The following CCSER1 variants were observed in gnomAD, a reference collection of about 807,000 sequenced individuals.
CCSER1 encodes the protein coiled-coil serine rich protein 1.
In CCSER1, 41 loss-of-function variants were observed where a neutral mutation model predicts 82.0. That is an observed-to-expected ratio of 0.50 (90% CI 0.39 to 0.65). The LOEUF is 0.65. CCSER1 is among the 30% of genes least tolerant of loss of function. The pLI, the probability that CCSER1 is intolerant of heterozygous loss-of-function variation, is 0.00. For missense variants in CCSER1, 1,119 were observed against 1,064.2 expected (o/e 1.05, Z -0.72); for synonymous variants, 414 against 383.9 (o/e 1.08, Z -0.92).
At chr4:90,314,107 C>T (rs988390190) in intron 3 of CCSER1, among the ~76,000 whole-genome samples, 2 of 152,038 alleles carry the variant, frequency 1.3e-5, no homozygotes, top group African/African-American at 4.8e-5. Flanking sequence ...AGGTTTTAAT[C>T]GTTTTTTTCT....
chr4:90,158,933 C>T (rs1728885756), intron 1 of CCSER1, among the ~76,000 whole-genome samples: 1 of 152,118 alleles, frequency 6.6e-6, no homozygotes, highest in Non-Finnish European at 1.5e-5. Context: ...AACCCAGTAC[C>T]TCAGATGGAA....
At chr4:90,298,397 A>T in intron 1 of CCSER1, among the ~76,000 whole-genome samples, 1 of 151,420 alleles carries the variant, frequency 6.6e-6, no homozygotes, top group African/African-American at 2.4e-5. Flanking sequence ...CTTCTTTATT[A>T]GTCTTGCTAG....
Position 91,598,897 on chromosome 4 carries a change from A to G in CCSER1, c.2543A>G (p.Asp848Gly), listed in dbSNP as rs1474364306. The G allele has an allele frequency of 1.9e-6, 3 of 1,551,534 alleles. No homozygotes were observed. The highest frequency in any genetic ancestry group is 2.4e-5 in the South Asian group (2 of 84,064). Residue 848 changes from aspartate to glycine, a missense_variant, in exon 11 of 11, where the codon GAC becomes GGC. Asp to Gly is a moderately conservative substitution (Grantham distance 94). Transcript: ENST00000509176. ...GLSTFLEKPK[D>G]QVATARQHST... ...TCCACGTTCTTAGAGAAACCAAAGG[A>G]CCAAGTTGCTACGGCCCGACAGCAT...
At chr4:90,486,374 C>T (rs1767060071) in intron 5 of CCSER1, among the ~76,000 whole-genome samples, 1 of 152,182 alleles carries the variant, frequency 6.6e-6, no homozygotes. Flanking sequence ...TTTCCTCAGT[C>T]TTCTATCAGG....
chr4:90,503,020 T>G (rs1313269848), intron 5 of CCSER1, among the ~76,000 whole-genome samples: 1 of 152,076 alleles, frequency 6.6e-6, no homozygotes, highest in Non-Finnish European at 1.5e-5. Context: ...AAAAGAAAAT[T>G]CACGTCAGAA....
At chr4:91,290,690 A>C (rs1743677313) in intron 10 of CCSER1, among the ~76,000 whole-genome samples, 1 of 152,016 alleles carries the variant, frequency 6.6e-6, no homozygotes. Flanking sequence ...AAATTAACAT[A>C]TTCTTTTTCT....
At chr4:91,305,892 T>G (rs1410438399) in intron 10 of CCSER1, among the ~76,000 whole-genome samples, 2 of 151,620 alleles carry the variant, frequency 1.3e-5, no homozygotes, top group East Asian at 3.9e-4. Flanking sequence ...AACCGTCAGA[T>G]CTTGTGAGAC....
chr4:90,844,257 A>C (rs1024204104), intron 8 of CCSER1, among the ~76,000 whole-genome samples: 2 of 151,994 alleles, frequency 1.3e-5, no homozygotes, highest in Admixed American at 1.3e-4. Flanking sequence ...GATATGTAGC[A>C]ACTGGGTATT....
chr4:90,393,606 G>C (rs1751513795), intron 3 of CCSER1, among the ~76,000 whole-genome samples: 3 of 151,966 alleles, frequency 2.0e-5, no homozygotes, highest in Admixed American at 2.0e-4. Flanking sequence ...TTTTAGGCCT[G>C]TTCTGATAGT....
chr4:91,353,100 A>G (rs1748584457), intron 10 of CCSER1, among the ~76,000 whole-genome samples: 1 of 152,206 alleles, frequency 6.6e-6, no homozygotes, highest in African/African-American at 2.4e-5. Flanking sequence ...GCAAATGCAA[A>G]GGACAATTTC....
At chr4:91,281,134 G>GA (rs1483282516) in intron 10 of CCSER1, among the ~76,000 whole-genome samples, 8 of 152,284 alleles carry the variant, frequency 5.3e-5, no homozygotes, top group South Asian at 2.1e-4. Context: ...TTGTTTTGGG[G>GA]AATCTCTCCA....
intron 9 of CCSER1, among the ~76,000 whole-genome samples, chr4:90,978,865 A>G (rs775822801): frequency 6.6e-6 from 1 of 151,832 alleles, no homozygotes; most frequent in East Asian, 1.9e-4. Flanking sequence ...CTTCAAAAAC[A>G]GCCCTTTGAA....
intron 1 of CCSER1, among the ~76,000 whole-genome samples, chr4:90,233,664 A>G (rs1381155211): frequency 6.6e-6 from 1 of 151,256 alleles, no homozygotes; most frequent in East Asian, 1.9e-4. Context: ...AACTGGCCTT[A>G]TGAACCTTAG....
chr4:90,454,871 G>GA (rs1761976137), intron 4 of CCSER1, among the ~76,000 whole-genome samples: 1 of 152,162 alleles, frequency 6.6e-6, no homozygotes, highest in East Asian at 1.9e-4. Context: ...GTTCCGTAGA[G>GA]AAAAGCAAAT....
chr4:90,660,989 T>C (rs1489510004), intron 6 of CCSER1, among the ~76,000 whole-genome samples: 1 of 152,186 alleles, frequency 6.6e-6, no homozygotes, highest in African/African-American at 2.4e-5. Context: ...GGTGTTATTG[T>C]TGCTATAGTT....
intron 1 of CCSER1, among the ~76,000 whole-genome samples, chr4:90,138,475 A>C (rs541476264): frequency 9.2e-5 from 14 of 152,282 alleles, no homozygotes; most frequent in South Asian, 6.2e-4. Flanking sequence ...ATAGACTGAA[A>C]ATTTGTTCTT....
intron 10 of CCSER1, among the ~76,000 whole-genome samples, chr4:91,281,032 C>G (rs1742875034): frequency 6.6e-6 from 1 of 152,072 alleles, no homozygotes; most frequent in South Asian, 2.1e-4. Flanking sequence ...AGTCTTAGGG[C>G]TTGTGTGAGT....
At chr4:90,728,007 A>G (rs1743983399) in intron 7 of CCSER1, among the ~76,000 whole-genome samples, 1 of 152,166 alleles carries the variant, frequency 6.6e-6, no homozygotes, top group African/African-American at 2.4e-5. Context: ...AAAGTACACA[A>G]AGGCATTGAG....
At chr4:91,545,436 C>T (rs767393120) in intron 10 of CCSER1, among the ~76,000 whole-genome samples, 2 of 152,226 alleles carry the variant, frequency 1.3e-5, no homozygotes, top group Middle Eastern at 3.4e-3. Flanking sequence ...GGAGGTGTTC[C>T]TATTTGGCCA....
Sources: gnomAD v4.1 joint callset for allele counts (sites outside exome capture counted in the v4.1 genomes callset) on GRCh38, gnomAD v4.1.1 for gene constraint, MANE v1.5 for transcripts, NCBI Gene and HGNC (gene_info 2026-07-23, HGNC 2026-07-21) for gene names.